DPP6: variants seen among roughly 807,000 people sequenced by gnomAD.
The protein encoded by DPP6 is A-type potassium channel modulatory protein DPP6.
Under a neutral mutation model 122.6 loss-of-function variants are expected in DPP6, and 69 were observed. The observed-to-expected ratio is 0.56, with a 90% confidence interval of 0.46 to 0.69. DPP6 has a LOEUF of 0.69. Among genes scored for constraint, DPP6 ranks in the 30% least tolerant of loss-of-function variants. DPP6 has a pLI of 0.00. For synonymous variants in DPP6, 418 were observed against 433.1 expected, an observed-to-expected ratio of 0.97 and a Z score of 0.43; for missense variants, 928 against 1,116.9, an observed-to-expected ratio of 0.83 and a Z score of 2.41.
intron 1 of DPP6, among the ~76,000 whole-genome samples, chr7:153,965,173 T>G (rs1795631661): frequency 6.6e-6 from 1 of 151,918 alleles, no homozygotes; most frequent in Non-Finnish European, 1.5e-5. Context: ...TCTTATCCAG[T>G]GTATCTCATA....
At chr7:154,655,288 C>T (rs550683628) in intron 6 of DPP6, among the ~76,000 whole-genome samples, 10 of 152,194 alleles carry the variant, frequency 6.6e-5, no homozygotes, top group East Asian at 1.9e-4. Flanking sequence ...GAGTAAACTT[C>T]GCTGCACTAA....
rs1438185784 is a variant in DPP6 at position 154,621,514 on chromosome 7, T to A, written c.628-16307T>A. Among the ~76,000 whole-genome samples the A allele has an allele frequency of 3.2e-3, 482 of 151,918 alleles. 2 individuals carry two copies. Among genetic ancestry groups the A allele is most frequent in the Non-Finnish European group, 4.6e-3 (314 of 67,942 alleles). ...CTCCCAAGTAGCTGGGATTACAGGCTCATGCCACCACACCCAGCTAATTTT... is the reference window on the plus strand; with the variant it reads ...CTCCCAAGTAGCTGGGATTACAGGCACATGCCACCACACCCAGCTAATTTT... On this transcript the variant is annotated intron_variant, in intron 5 of 25. Transcript: ENST00000377770.
chr7:154,056,998 G>C (rs1377374661), intron 1 of DPP6, among the ~76,000 whole-genome samples: 1 of 152,160 alleles, frequency 6.6e-6, no homozygotes. Context: ...ACCAGTGCTT[G>C]GTGTACTCAC....
At chr7:154,210,260 A>G (rs147548525) in intron 1 of DPP6, among the ~76,000 whole-genome samples, 4 of 152,212 alleles carry the variant, frequency 2.6e-5, no homozygotes, top group Admixed American at 6.5e-5. Context: ...CCTGCAGTCA[A>G]TGGCAGGGGG....
At chr7:154,339,301 TG>T (rs999144110) in intron 1 of DPP6, among the ~76,000 whole-genome samples, 3 of 152,030 alleles carry the variant, frequency 2.0e-5, no homozygotes, top group African/African-American at 7.2e-5. Flanking sequence ...GGACGTGGGG[TG>T]GTGGGACAGG....
intron 1 of DPP6, among the ~76,000 whole-genome samples, chr7:154,110,061 C>T (rs1806462973): frequency 6.8e-6 from 1 of 147,870 alleles, no homozygotes; most frequent in Admixed American, 6.8e-5. Flanking sequence ...GAAGTGTGGG[C>T]AGTCACACAA....
intron 1 of DPP6, among the ~76,000 whole-genome samples, chr7:154,022,931 G>C (rs1238839609): frequency 6.6e-6 from 1 of 152,186 alleles, no homozygotes; most frequent in African/African-American, 2.4e-5. Flanking sequence ...CTTGTGGTTT[G>C]ACAGCTGACT....
At chr7:154,057,724 A>G (rs1361363305) in intron 1 of DPP6, 1 of 150,522 alleles carries the variant, frequency 6.6e-6, no homozygotes, top group African/African-American at 2.5e-5. Context: ...GGATCCCGAC[A>G]ACAGCAAGTC....
chr7:154,297,077 GT>G (rs11311031), intron 1 of DPP6, among the ~76,000 whole-genome samples: 18,714 of 143,240 alleles, frequency 0.13, 2,002 homozygotes, highest in African/African-American at 0.3. Context: ...TTTTTTTTTT[GT>G]TTTGTTTTTC....
intron 6 of DPP6, among the ~76,000 whole-genome samples, chr7:154,663,173 G>A (rs567624861): frequency 1.6e-5 from 1 of 63,322 alleles, no homozygotes; most frequent in Non-Finnish European, 4.1e-5. Flanking sequence ...GCGTATTGGC[G>A]GTAGTGTTCA....
At chr7:154,515,706 T>C (rs997460692) in intron 3 of DPP6, among the ~76,000 whole-genome samples, 1 of 152,170 alleles carries the variant, frequency 6.6e-6, no homozygotes, top group African/African-American at 2.4e-5. Flanking sequence ...CTCGAAATCC[T>C]GACCTGATCC....
Position 154,374,991 on chromosome 7 carries a change from T to C in DPP6, c.244-71223T>C, listed in dbSNP as rs572885386. 8.5e-5 allele frequency among the ~76,000 whole-genome samples: 13 copies of C among 152,266 alleles called. No individual in the cohort carries two copies. In the South Asian group the frequency reaches 2.7e-3, roughly 32 times the overall value. ...TGACAGACACTTTGAAGGCGCTGTA[T>C]TGAAGCATAGGAACTTGGTCCTGAG... On this transcript the variant is annotated intron_variant, in intron 1 of 25. Transcript: ENST00000377770.
intron 3 of DPP6, among the ~76,000 whole-genome samples, chr7:154,527,754 T>A (rs12670391): frequency 0.028 from 4,288 of 152,288 alleles, 93 homozygotes; most frequent in South Asian, 0.083. Flanking sequence ...CACTTAGTAA[T>A]GAGATTTGTT....
chr7:154,023,318 G>GCA (rs1554436897), intron 1 of DPP6, among the ~76,000 whole-genome samples: 20,457 of 129,344 alleles, frequency 0.16, 1,744 homozygotes, highest in Non-Finnish European at 0.2. Flanking sequence ...TTTCTTGTCT[G>GCA]CACACACACA....
At chr7:154,593,317 A>G (rs1034738518) in intron 5 of DPP6, among the ~76,000 whole-genome samples, 6 of 152,210 alleles carry the variant, frequency 3.9e-5, no homozygotes, top group Non-Finnish European at 8.8e-5. Flanking sequence ...ATAATCGTGC[A>G]TTTTGCATGG....
At chr7:154,112,111 T>C (rs71203920) in intron 1 of DPP6, among the ~76,000 whole-genome samples, 5 of 151,388 alleles carry the variant, frequency 3.3e-5, no homozygotes, top group East Asian at 1.9e-4. Context: ...ATTGGAATGT[T>C]CTGCAACTCT....
chr7:154,843,332 C>G (rs533834611), intron 16 of DPP6, among the ~76,000 whole-genome samples: 1 of 152,250 alleles, frequency 6.6e-6, no homozygotes, highest in Non-Finnish European at 1.5e-5. Flanking sequence ...AACAGCATAT[C>G]CTATGTTCCA....
chr7:153,936,129 G>A (rs1184378436), intron 1 of DPP6, among the ~76,000 whole-genome samples: 1 of 152,210 alleles, frequency 6.6e-6, no homozygotes, highest in Non-Finnish European at 1.5e-5. Flanking sequence ...ATACTCCCTA[G>A]AAAATAAGTA....
chr7:153,918,592 C>CAG (rs1563006289), intron 1 of DPP6, among the ~76,000 whole-genome samples: 20,741 of 87,564 alleles, frequency 0.24, 1,015 homozygotes, highest in Non-Finnish European at 0.3. Flanking sequence ...CTCTCTCTCT[C>CAG]TCTCTCTCTC....
Sources: allele counts gnomAD v4.1 joint callset (sites outside exome capture counted in the v4.1 genomes callset), GRCh38; gene constraint gnomAD v4.1.1; transcripts MANE v1.5; gene names NCBI Gene and HGNC (gene_info 2026-07-23, HGNC 2026-07-21).